Variants in NEDD4L observed in about 807,000 individuals in gnomAD.
The protein encoded by NEDD4L is NEDD4 like E3 ubiquitin protein ligase.
NEDD4L carries 54 observed loss-of-function variants against 148.9 expected under a neutral mutation model. That is an observed-to-expected ratio of 0.36 (90% CI 0.29 to 0.45). The LOEUF (loss-of-function observed/expected upper bound fraction) is 0.45. Among genes scored for constraint, NEDD4L ranks in the 20% least tolerant of loss-of-function variants. The pLI, the probability that NEDD4L is intolerant of heterozygous loss-of-function variation, is 1.00. For synonymous variants in NEDD4L, 433 were observed against 440.7 expected (o/e 0.98, Z 0.22); for missense variants, 856 against 1,233.8 (o/e 0.69, Z 4.59).
intron 24 of NEDD4L, among the ~76,000 whole-genome samples, chr18:58,378,147 G>C (rs1208435167): frequency 3.9e-5 from 6 of 152,132 alleles, no homozygotes; most frequent in African/African-American, 7.2e-5. Flanking sequence ...TTTAGGATCG[G>C]GTCGAGCCAG....
At chr18:58,344,595 C>T (rs2042817888) in intron 16 of NEDD4L, among the ~76,000 whole-genome samples, 1 of 152,196 alleles carries the variant, frequency 6.6e-6, no homozygotes, top group South Asian at 2.1e-4. Context: ...CTGATAACTG[C>T]TTCTAAGGCA....
intron 1 of NEDD4L, among the ~76,000 whole-genome samples, chr18:58,094,126 C>T (rs7235727): frequency 0.027 from 4,147 of 152,176 alleles, 198 homozygotes; most frequent in African/African-American, 0.093. Context: ...CATCTGCCAC[C>T]TTCCTGCCTT....
At position 58,356,924 on chromosome 18, in the gene NEDD4L, G is replaced by A. The variant is rs2044746461; in HGVS notation, c.1709-270G>A. Among the ~76,000 whole-genome samples, 3 of 152,250 alleles carry A rather than the reference G, an allele frequency of 2.0e-5. 1 individual carries two copies. The South Asian group carries it at 6.2e-4, about 32-fold the overall frequency. On this transcript the variant is annotated intron_variant, in intron 18 of 30. Transcript: ENST00000400345. ...GGGTTTATAATTCCCATTTTAGCAA[G>A]TTATTTGCCCAAAACAGTATGAATA...
chr18:58,119,519 G>A (rs749407092), intron 1 of NEDD4L, among the ~76,000 whole-genome samples: 6 of 152,124 alleles, frequency 3.9e-5, no homozygotes, highest in Non-Finnish European at 7.4e-5. Flanking sequence ...CCTTTACCCC[G>A]ATCCACTGAC....
At chr18:58,065,694 G>T (rs755919101) in intron 1 of NEDD4L, among the ~76,000 whole-genome samples, 11 of 152,154 alleles carry the variant, frequency 7.2e-5, no homozygotes, top group Non-Finnish European at 1.3e-4. Flanking sequence ...TGTTAGCCAG[G>T]TTACTAGCCA....
At chr18:58,341,017 A>G in intron 13 of NEDD4L, 21 bp from the exon 14 acceptor site, 4 of 1,598,972 alleles carry the variant, frequency 2.5e-6, no homozygotes, top group Non-Finnish European at 3.4e-6. Flanking sequence ...ATTAAATAAT[A>G]ATGATTTCTT....
chr18:58,180,247 C>T (rs2038700117), intron 2 of NEDD4L, among the ~76,000 whole-genome samples: 2 of 152,228 alleles, frequency 1.3e-5, no homozygotes, highest in South Asian at 4.1e-4. Context: ...ACCCCCTTCT[C>T]CCTCTTTGCA....
intron 24 of NEDD4L, among the ~76,000 whole-genome samples, chr18:58,377,110 G>T (rs188823314): frequency 1.3e-5 from 2 of 152,390 alleles, no homozygotes; most frequent in Admixed American, 1.3e-4. Context: ...GCAGCCGCAT[G>T]CCTGCCCTGT....
intron 17 of NEDD4L, 46 bp downstream of exon 17, chr18:58,349,660 C>G (rs780497543): frequency 7.0e-7 from 1 of 1,432,864 alleles, no homozygotes; most frequent in East Asian, 2.3e-5. Context: ...ATGTGTGTTC[C>G]TTTATCCGCT....
intron 16 of NEDD4L, among the ~76,000 whole-genome samples, chr18:58,346,825 C>T (rs1165066681): frequency 2.0e-5 from 3 of 152,070 alleles, no homozygotes; most frequent in African/African-American, 4.8e-5. Flanking sequence ...TCAGAGCCCT[C>T]GTTAGTATTC....
intron 1 of NEDD4L, among the ~76,000 whole-genome samples, chr18:58,134,252 CG>C (rs2032544798): frequency 6.6e-6 from 1 of 152,088 alleles, no homozygotes; most frequent in Admixed American, 6.5e-5. Context: ...CCATCCGCCT[CG>C]GGCTCCCAAA....
At chr18:58,054,805 T>G (rs1054470952) in intron 1 of NEDD4L, 1 of 152,204 alleles carries the variant, frequency 6.6e-6, no homozygotes, top group African/African-American at 2.4e-5. Flanking sequence ...TTGAACTACA[T>G]CTACAGGGAG....
chr18:58,120,368 GAGGTTAA>G (rs1169171700), intron 1 of NEDD4L, among the ~76,000 whole-genome samples: 1 of 152,202 alleles, frequency 6.6e-6, no homozygotes, highest in Non-Finnish European at 1.5e-5. Flanking sequence ...CCTCTACGAT[GAGGTTAA>G]TTACAGTTAC....
At chr18:58,053,728 A>G (rs2144549164) in intron 1 of NEDD4L, among the ~76,000 whole-genome samples, 1 of 152,326 alleles carries the variant, frequency 6.6e-6, no homozygotes, top group African/African-American at 2.4e-5. Flanking sequence ...TGTGTTGTAA[A>G]GCTGGAATTC....
intron 1 of NEDD4L, among the ~76,000 whole-genome samples, chr18:58,047,784 G>A (rs1421829786): frequency 1.3e-5 from 2 of 152,170 alleles, no homozygotes; most frequent in African/African-American, 4.8e-5. Context: ...TCTGGCTTGA[G>A]TCCTTGTGGA....
At chr18:58,087,505 C>T (rs1418824473) in intron 1 of NEDD4L, among the ~76,000 whole-genome samples, 2 of 152,146 alleles carry the variant, frequency 1.3e-5, no homozygotes, top group African/African-American at 4.8e-5. Flanking sequence ...ATACCAATTC[C>T]AGTTACCAGA....
intron 1 of NEDD4L, among the ~76,000 whole-genome samples, chr18:58,101,698 G>A (rs964788105): frequency 7.2e-5 from 11 of 152,218 alleles, no homozygotes; most frequent in East Asian, 5.8e-4. Flanking sequence ...AATGCTTTCC[G>A]TATTCTATGC....
In NEDD4L at chr18:58,301,073, C is replaced by T. The variant is rs1024055374; in HGVS notation, c.298-14909C>T. 2.6e-5 allele frequency among the ~76,000 whole-genome samples: 4 copies of T among 152,118 alleles called. No homozygotes were observed. In the East Asian group the frequency reaches 5.8e-4, roughly 22 times the overall value. ...AGCACAGAAAGTTTAGGTGATTTCCCTTGGGTTCCATAGTGTGTTAGTCAC... is the reference window on the plus strand; with the variant it reads ...AGCACAGAAAGTTTAGGTGATTTCCTTTGGGTTCCATAGTGTGTTAGTCAC... On this transcript the variant is annotated intron_variant, in intron 5 of 30. Transcript: ENST00000400345.
At chr18:58,145,897 A>AT (rs71985426) in intron 1 of NEDD4L, among the ~76,000 whole-genome samples, 40,221 of 151,544 alleles carry the variant, frequency 0.27, 5,839 homozygotes, top group Non-Finnish European at 0.33. Context: ...AAAAATGTAC[A>AT]TTTTTTTAAA....
Sources: gnomAD v4.1 joint callset for allele counts (sites outside exome capture counted in the v4.1 genomes callset) on GRCh38, gnomAD v4.1.1 for gene constraint, MANE v1.5 for transcripts, NCBI Gene and HGNC (gene_info 2026-07-23, HGNC 2026-07-21) for gene names.